The following HIP1 variants were observed in gnomAD, a reference collection of about 807,000 sequenced individuals.
The protein encoded by HIP1 is huntingtin-interacting protein 1.
A neutral mutation model predicts 147.6 loss-of-function variants in HIP1; 65 were observed. That is an observed-to-expected ratio of 0.44 (90% confidence interval 0.36 to 0.54). The LOEUF (loss-of-function observed/expected upper bound fraction) is 0.54. Ranked by LOEUF, HIP1 falls within the 20% of genes least tolerant of loss-of-function variation. HIP1 has a pLI of 0.00. For synonymous variants in HIP1, 479 were observed against 504.0 expected, an observed-to-expected ratio of 0.95 and a Z score of 0.67; for missense variants, 1,061 against 1,299.6, an observed-to-expected ratio of 0.82 and a Z score of 2.82.
intron 1 of HIP1, among the ~76,000 whole-genome samples, chr7:75,628,732 G>C (rs1347820042): frequency 1.3e-5 from 2 of 152,142 alleles, no homozygotes; most frequent in Non-Finnish European, 2.9e-5. Flanking sequence ...ACCTGCCTTG[G>C]CCTCCCAAAG....
chr7:75,678,384 C>T (rs1291514059), intron 1 of HIP1, among the ~76,000 whole-genome samples: 2 of 144,464 alleles, frequency 1.4e-5, no homozygotes, highest in Non-Finnish European at 3.0e-5. Flanking sequence ...CACTCTGTCA[C>T]CCAGGCTGGA....
intron 1 of HIP1, among the ~76,000 whole-genome samples, chr7:75,716,908 C>T (rs1204057734): frequency 6.6e-6 from 1 of 151,724 alleles, no homozygotes; most frequent in African/African-American, 2.4e-5. Context: ...TCGAATCTCT[C>T]AGGCTCAAGC....
intron 22 of HIP1, among the ~76,000 whole-genome samples, chr7:75,552,475 G>A (rs1054728417): frequency 3.3e-5 from 5 of 151,244 alleles, no homozygotes; most frequent in Non-Finnish European, 5.9e-5. Context: ...TCAGCCTCCC[G>A]AGTAGCTGGG....
At chr7:75,605,229 T>C (rs1372216592) in intron 1 of HIP1, among the ~76,000 whole-genome samples, 1 of 152,024 alleles carries the variant, frequency 6.6e-6, no homozygotes, top group South Asian at 2.1e-4. Flanking sequence ...CTCTGTACTG[T>C]GGAGGGGTTC....
chr7:75,702,184 C>T (rs546455241), intron 1 of HIP1, among the ~76,000 whole-genome samples: 21 of 151,952 alleles, frequency 1.4e-4, no homozygotes, highest in African/African-American at 4.1e-4. Flanking sequence ...GATCTTGGCT[C>T]ACTGCAACCT....
Position 75,620,854 on chromosome 7 carries a change from C to A in HIP1, c.121-21607G>T, listed in dbSNP as rs78160135. The stretch of plus-strand genomic sequence containing the variant: ...AAGAAAGATAAGGGCAAGGATAGGG[C>A]TGGAGTGTTCTAGGCAGCATTATAA... On this transcript the variant is annotated intron_variant, in intron 1 of 30. Transcript: ENST00000336926. Among the ~76,000 whole-genome samples, 547 of 152,014 alleles carry A rather than the reference C, an allele frequency of 3.6e-3. 8 individuals carry two copies. The highest frequency in any genetic ancestry group is 0.032 in the East Asian group (166 of 5,144).
In HIP1 at chr7:75,537,662, G is replaced by A. The variant is rs1306002825; in HGVS notation, c.*510C>T. 3 of 239,362 alleles carry A rather than the reference G, an allele frequency of 1.3e-5. No homozygotes were observed. The highest frequency in any genetic ancestry group is 2.2e-5 in the African/African-American group (1 of 45,390). 14.8% of individuals were successfully genotyped at this position (239,362 alleles called of 1,614,324 possible). A position where few individuals can be genotyped will look rare whatever the true frequency, so the allele number is the denominator to read the frequency against. On this transcript the variant is annotated 3_prime_UTR_variant, in exon 31 of 31. Coordinates refer to ENST00000336926, the MANE Select transcript of HIP1 (RefSeq NM_005338.7). ...TCCTTCTGACTGTGCAGATCTCAGGGTAGTGTCCTGGTTTGGAATCCATCA... is the reference window on the plus strand; with the variant it reads ...TCCTTCTGACTGTGCAGATCTCAGGATAGTGTCCTGGTTTGGAATCCATCA...
At chr7:75,576,694 G>A (rs1433097326) in intron 7 of HIP1, among the ~76,000 whole-genome samples, 1 of 152,142 alleles carries the variant, frequency 6.6e-6, no homozygotes, top group Non-Finnish European at 1.5e-5. Flanking sequence ...GAACGACAGA[G>A]CAAGGCTCCG....
chr7:75,642,520 G>A (rs1798680014), intron 1 of HIP1, among the ~76,000 whole-genome samples: 1 of 152,172 alleles, frequency 6.6e-6, no homozygotes, highest in Non-Finnish European at 1.5e-5. Context: ...GGGCCACAGA[G>A]TGAGACTCTG....
At chr7:75,730,304 C>G (rs1388703179) in intron 1 of HIP1, among the ~76,000 whole-genome samples, 1 of 151,912 alleles carries the variant, frequency 6.6e-6, no homozygotes, top group Non-Finnish European at 1.5e-5. Flanking sequence ...TAGCTATCAA[C>G]CCCTGAAAGC....
At chr7:75,544,615 G>A (rs587596757) in intron 27 of HIP1, 80 bp downstream of exon 27, 326 of 849,816 alleles carry the variant, frequency 3.8e-4, no homozygotes, top group African/African-American at 3.4e-3. Flanking sequence ...ACTGCCTAAC[G>A]CAGCCAAGTA....
chr7:75,598,426 T>TCC (rs1554502388), intron 2 of HIP1, among the ~76,000 whole-genome samples: 2 of 141,424 alleles, frequency 1.4e-5, no homozygotes, highest in African/African-American at 5.1e-5. Context: ...AACTCTCTTT[T>TCC]TCTTTTTTTT....
chr7:75,698,928 ATCAG>A (rs1333164146), intron 1 of HIP1, among the ~76,000 whole-genome samples: 9 of 152,098 alleles, frequency 5.9e-5, no homozygotes, highest in Non-Finnish European at 1.3e-4. Flanking sequence ...ACAATAAGAG[ATCAG>A]TCAATTAGTG....
chr7:75,588,289 T>C lies in HIP1; in HGVS notation c.385-1456A>G, dbSNP rs371057458. 2.4e-4 allele frequency among the ~76,000 whole-genome samples: 36 copies of C among 152,298 alleles called. No homozygotes were observed. In the East Asian group the frequency reaches 6.0e-3, roughly 25 times the overall value. ...AAAATTCCAAGGAAGATGAGCAGCT[T>C]AGGGTAGAAAGTAACCGAACATAAA... On this transcript the variant is annotated intron_variant, in intron 4 of 30. Coordinates refer to ENST00000336926, the MANE Select transcript of HIP1 (RefSeq NM_005338.7).
intron 1 of HIP1, among the ~76,000 whole-genome samples, chr7:75,622,726 C>A (rs959286716): frequency 1.3e-5 from 2 of 152,004 alleles, no homozygotes; most frequent in African/African-American, 2.4e-5. Context: ...GCCTGTAATC[C>A]CAATGCTTTG....
At chr7:75,737,001 C>T (rs1246476581) in intron 1 of HIP1, among the ~76,000 whole-genome samples, 1 of 152,114 alleles carries the variant, frequency 6.6e-6, no homozygotes, top group Middle Eastern at 3.2e-3. Flanking sequence ...TAGCCCACTG[C>T]AGCCTCAGCC....
chr7:75,646,429 A>G (rs533763133), intron 1 of HIP1, among the ~76,000 whole-genome samples: 40 of 152,340 alleles, frequency 2.6e-4, no homozygotes, highest in African/African-American at 9.1e-4. Flanking sequence ...TGCTTTGCTG[A>G]CCACAGGGTC....
chr7:75,636,687 C>T (rs587701422), intron 1 of HIP1, among the ~76,000 whole-genome samples: 109 of 152,288 alleles, frequency 7.2e-4, no homozygotes, highest in African/African-American at 2.5e-3. Flanking sequence ...CTGGATTGGG[C>T]GCTTGGCTGC....
chr7:75,666,557 C>T (rs782723056), intron 1 of HIP1, among the ~76,000 whole-genome samples: 2 of 152,106 alleles, frequency 1.3e-5, no homozygotes, highest in African/African-American at 2.4e-5. Flanking sequence ...GGGTCAATAG[C>T]GACACCGATA....
Sources: allele counts gnomAD v4.1 joint callset (sites outside exome capture counted in the v4.1 genomes callset), GRCh38; gene constraint gnomAD v4.1.1; transcripts MANE v1.5; gene names NCBI Gene and HGNC (gene_info 2026-07-23, HGNC 2026-07-21).